The following DZIP1 variants were observed in gnomAD, a reference collection of about 807,000 sequenced individuals.
The protein encoded by DZIP1 is cilium assembly protein DZIP1.
DZIP1 carries 97 observed loss-of-function variants against 107.6 expected under a neutral mutation model. The observed-to-expected ratio is 0.90, with a 90% CI of 0.77 to 1.07. The LOEUF (loss-of-function observed/expected upper bound fraction) is 1.07. Ranked by LOEUF, DZIP1 falls within the 50% of genes least tolerant of loss-of-function variation. The pLI is 0.00. For missense variants in DZIP1, 1,035 were observed against 1,063.6 expected (o/e 0.97, Z 0.37); for synonymous variants, 390 against 386.4 (o/e 1.01, Z -0.11).
chr13:95,584,713 T>C (rs1566356258), intron 22 of DZIP1, 23 bp downstream of exon 22: 17 of 1,602,996 alleles, frequency 1.1e-5, no homozygotes, highest in Non-Finnish European at 1.3e-5. Context: ...ATCGAGCTTG[T>C]ATTAGAGGGG....
At chr13:95,590,587 C>A (rs923639779) in intron 16 of DZIP1, 146 bp from the exon 17 acceptor site, 6 of 728,348 alleles carry the variant, frequency 8.2e-6, no homozygotes, top group Non-Finnish European at 1.3e-5. Flanking sequence ...CAACAAGTAA[C>A]ACACTGTCCC....
At chr13:95,607,803 C>T (rs1017928702) in intron 13 of DZIP1, among the ~76,000 whole-genome samples, 1 of 152,104 alleles carries the variant, frequency 6.6e-6, no homozygotes, top group African/African-American at 2.4e-5. Flanking sequence ...GAATTCATTC[C>T]CTTATTATGA....
intron 10 of DZIP1, among the ~76,000 whole-genome samples, chr13:95,618,613 G>A (rs538300765): frequency 4.5e-4 from 68 of 152,164 alleles, no homozygotes; most frequent in African/African-American, 1.6e-3. Flanking sequence ...CTCTAGTATT[G>A]TTCCCAGTTT....
rs1194912496 is a variant in DZIP1 at position 95,619,962 on chromosome 13, A to T, written c.1111-15T>A. ...CATTTGCTTTCCTACAAAAGAATAA[A>T]AGAATAATTTATGTACAACTGTAAC... On this transcript the variant is annotated splice_polypyrimidine_tract_variant and intron_variant, in intron 9 of 22. Coordinates refer to ENST00000376829, the MANE Select transcript of DZIP1 (RefSeq NM_198968.4). The T allele has an allele frequency of 1.2e-6, 2 of 1,612,830 alleles. No homozygotes were observed. Among genetic ancestry groups the T allele is most frequent in the Non-Finnish European group, 1.7e-6 (2 of 1,179,592 alleles).
At chr13:95,610,111 T>TGTGTGTGTGTGTGTGTGAGAGAGA (rs368276400) in intron 12 of DZIP1, among the ~76,000 whole-genome samples, 1 of 126,666 alleles carries the variant, frequency 7.9e-6, no homozygotes, top group East Asian at 2.2e-4. Context: ...TGTGTGTGTG[T>TGTGTGTGTGTGTGTGTGAGAGAGA]GAGAGAGAGA....
intron 5 of DZIP1, among the ~76,000 whole-genome samples, chr13:95,638,085 C>CTTT (rs57203833): frequency 2.5e-4 from 22 of 88,638 alleles, no homozygotes; most frequent in African/African-American, 6.3e-4. Flanking sequence ...TGAGTTCAAT[C>CTTT]TTTTTTTTTT....
intron 9 of DZIP1, among the ~76,000 whole-genome samples, chr13:95,621,560 A>G (rs1875848478): frequency 6.6e-6 from 1 of 151,796 alleles, no homozygotes; most frequent in African/African-American, 2.4e-5. Context: ...TCTCATCTCT[A>G]TTTGCTTCCT....
Position 95,584,894 on chromosome 13 carries a change from T to G in DZIP1, c.2366A>C (p.Asp789Ala), listed in dbSNP as rs764581934. Residue 789 changes from aspartate (D) to alanine (A), a missense_variant, in exon 22 of 23, where the codon GAT becomes GCT. By Grantham distance (126) the Asp-to-Ala change is moderately radical (BLOSUM62 -2). Coordinates refer to ENST00000376829, the MANE Select transcript of DZIP1 (RefSeq NM_198968.4). ...TAGGGATGATATGTCCCAGTCTTCA[T>G]CCTCCACATCCGCACACTAAAAGAA... ...LQELKCADVE[D>A]EDWDISSLEE... 1.2e-5 allele frequency: 20 copies of G among 1,613,036 alleles called. 1 individual carries two copies. The South Asian group carries it at 2.2e-4, about 18-fold the overall frequency.
rs753094018 is a variant in DZIP1, at chr13:95,641,487, T to C, written c.405A>G (p.Gln135=). The C allele has an allele frequency of 6.2e-7, 1 of 1,614,104 alleles. No homozygotes were observed. Among genetic ancestry groups the C allele is most frequent in the Non-Finnish European group, 8.5e-7 (1 of 1,180,010 alleles). ...QFTIEYLLHS[Q]EFLTSQLHTL... is the part of the protein sequence containing the mutation. Reference sequence around the variant, plus strand: ...TGTGCAGCTGCGAGGTGAGGAACTCTTGTGAGTGCAGCAAGTACTCGATGG... The same window carrying C: ...TGTGCAGCTGCGAGGTGAGGAACTCCTGTGAGTGCAGCAAGTACTCGATGG... The change falls in exon 5 of 23, where the codon CAA becomes CAG. Residue 135 remains glutamine (Q), a synonymous_variant. Transcript: ENST00000376829. The surrounding 1 kb of genome is among the most constrained non-coding windows in gnomAD (Gnocchi z 4.3).
rs1466002205 is a variant in DZIP1 at position 95,583,262 on chromosome 13, T to C, written c.2525-949A>G. On this transcript the variant is annotated intron_variant, in intron 22 of 22. Transcript: ENST00000376829. ...GGCAAGCTGGTGAGACCCCATCTCT[T>C]AAAAAAAAAAAAAAAGTAATAAAAT... Among the ~76,000 whole-genome samples the C allele has an allele frequency of 3.5e-5, 5 of 142,338 alleles. No homozygotes were observed. In the South Asian group the frequency reaches 6.8e-4, roughly 19 times the overall value. The allele number at this position is 142,338 out of a possible 152,430, so 93.4% of individuals were successfully genotyped here.
intron 21 of DZIP1, 62 bp downstream of exon 21, chr13:95,585,944 G>T: frequency 6.7e-7 from 1 of 1,484,912 alleles, no homozygotes; most frequent in Non-Finnish European, 9.0e-7. Context: ...CAAAAAGTGT[G>T]ACCATTAAGG....
intron 22 of DZIP1, among the ~76,000 whole-genome samples, chr13:95,582,789 G>A (rs927365248): frequency 2.6e-5 from 4 of 152,346 alleles, no homozygotes; most frequent in Admixed American, 1.3e-4. Context: ...TTTTGAGCCA[G>A]TGAAATAGAG....
chr13:95,606,141 C>T (rs988142904), intron 13 of DZIP1, 82 bp from the exon 14 acceptor site: 38 of 1,314,916 alleles, frequency 2.9e-5, no homozygotes, highest in Middle Eastern at 3.6e-4. Flanking sequence ...CCAAATATGC[C>T]GCAAACTAGT....
chr13:95,610,285 G>T (rs921984788), intron 12 of DZIP1, among the ~76,000 whole-genome samples: 2 of 151,068 alleles, frequency 1.3e-5, no homozygotes, highest in Non-Finnish European at 3.0e-5. Context: ...AGCCTTTATA[G>T]CACTTTAGAA....
rs1409525743 is a variant in DZIP1, at chr13:95,642,253, G to A, written c.-212-12C>T. The A allele has an allele frequency of 5.8e-6, 3 of 518,676 alleles. No homozygotes were observed. Among genetic ancestry groups the A allele is most frequent in the East Asian group, 7.1e-5 (2 of 28,172 alleles). The allele number at this position is 518,676 out of a possible 1,614,324, so 32.1% of individuals were successfully genotyped here. On this transcript the variant is annotated splice_polypyrimidine_tract_variant and intron_variant, in intron 3 of 22. Transcript: ENST00000376829. ...GTGCACCCAGAACCCTGCGGGACCA[G>A]AGAAGACCTCTTGGACGAGCCCGAG...
rs149033696 is a variant in DZIP1, at chr13:95,624,224, A to C, written c.972+544T>G. On this transcript the variant is annotated intron_variant, in intron 8 of 22. Transcript: ENST00000376829. ...TAACCAGGGAGCTTAGAATTCTTAG[A>C]AGGACACTGATTGATTGGCTGCTTT... Among the ~76,000 whole-genome samples, 668 of 152,320 alleles carry C rather than the reference A, an allele frequency of 4.4e-3. 8 individuals carry two copies. Among genetic ancestry groups the C allele is most frequent in the African/African-American group, 0.015 (642 of 41,582 alleles).
chr13:95,612,381 G>A (rs1053689039), intron 10 of DZIP1, among the ~76,000 whole-genome samples: 1 of 152,116 alleles, frequency 6.6e-6, no homozygotes, highest in Non-Finnish European at 1.5e-5. Context: ...GGGAGCTCAC[G>A]TCCCCAAATA....
chr13:95,612,181 A>G lies in DZIP1; in HGVS notation c.1174-4T>C, dbSNP rs1334740069. The stretch of plus-strand genomic sequence containing the variant: ...GTTTCTCTATATGTGACAGGAGCTG[A>G]AAAAAAGTTAAGAAAGGCATCCATC... On this transcript the variant is annotated splice_region_variant and splice_polypyrimidine_tract_variant and intron_variant, in intron 10 of 22. Transcript: ENST00000376829. The G allele has an allele frequency of 1.2e-6, 2 of 1,605,678 alleles. No homozygotes were observed. Among genetic ancestry groups the G allele is most frequent in the Non-Finnish European group, 1.7e-6 (2 of 1,178,648 alleles).
rs200033665 is a variant in DZIP1, at chr13:95,630,066, C to T, written c.733G>A (p.Val245Ile). 2.4e-5 allele frequency: 39 copies of T among 1,613,666 alleles called. No individual in the cohort carries two copies. The highest frequency in any genetic ancestry group is 2.3e-4 in the Admixed American group (14 of 59,952). ...GTGAGCTGCAGCTCTTCCTTCAATA[C>T]GACGATCTCACTCCGGAGCTTCTCA... is the stretch of plus-strand genomic sequence containing the variant. ...QIEKLRSEIV[V>I]LKEELQLTRS... The change falls in exon 7 of 23, where the codon GTA becomes ATA. Residue 245 changes from valine to isoleucine, a missense_variant. Coordinates refer to ENST00000376829, the MANE Select transcript of DZIP1 (RefSeq NM_198968.4).
Sources: gnomAD v4.1 joint callset for allele counts (sites outside exome capture counted in the v4.1 genomes callset) on GRCh38, gnomAD v4.1.1 for gene constraint, Gnocchi (gnomAD v3.1) non-coding constraint, MANE v1.5 for transcripts, NCBI Gene and HGNC (gene_info 2026-07-23, HGNC 2026-07-21) for gene names.